Variants in CDYL observed in about 807,000 individuals in gnomAD.
CDYL encodes the protein chromodomain Y-like protein.
Under a neutral mutation model 47.3 loss-of-function variants are expected in CDYL, and 8 were observed. That is an observed-to-expected ratio of 0.17 (90% CI 0.10 to 0.31). The LOEUF (loss-of-function observed/expected upper bound fraction) is 0.31, where lower values mean the gene tolerates loss of function less well. Among genes scored for constraint, CDYL ranks in the 10% least tolerant of loss-of-function variants. The pLI is 1.00. For synonymous variants in CDYL, 266 were observed against 265.0 expected (o/e 1.00, Z -0.04); for missense variants, 471 against 701.4 (o/e 0.67, Z 3.71).
chr6:4,905,829 T>C (rs1038661692), intron 2 of CDYL, among the ~76,000 whole-genome samples: 4 of 152,238 alleles, frequency 2.6e-5, no homozygotes, highest in South Asian at 2.1e-4. Context: ...GGGGTACAAG[T>C]GCACATTTGT....
intron 1 of CDYL, among the ~76,000 whole-genome samples, chr6:4,880,152 C>T (rs1402702912): frequency 1.3e-5 from 2 of 152,096 alleles, no homozygotes; most frequent in Admixed American, 1.3e-4. Flanking sequence ...AGAGTAGTCT[C>T]ACTGCCCTAG....
At chr6:4,911,090 T>C (rs1359000692) in intron 2 of CDYL, among the ~76,000 whole-genome samples, 1 of 152,220 alleles carries the variant, frequency 6.6e-6, no homozygotes, top group Non-Finnish European at 1.5e-5. Context: ...CCTCCCAAAG[T>C]GCTGGGATTA....
intron 5 of CDYL, among the ~76,000 whole-genome samples, chr6:4,945,945 G>A (rs1387224116): frequency 1.3e-5 from 2 of 152,240 alleles, no homozygotes; most frequent in African/African-American, 4.8e-5. Context: ...ATCTGCAGGT[G>A]GGACAGGCAG....
chr6:4,750,507 A>AC (rs1757971264), intron 3 of CDYL, among the ~76,000 whole-genome samples: 1 of 152,066 alleles, frequency 6.6e-6, no homozygotes, highest in African/African-American at 2.4e-5. Context: ...CGGCCAAAAA[A>AC]ATTTTTTTAA....
intron 2 of CDYL, among the ~76,000 whole-genome samples, chr6:4,722,983 C>G (rs11753843): frequency 0.024 from 3,695 of 152,282 alleles, 67 homozygotes; most frequent in South Asian, 0.059. Flanking sequence ...TCAAAATCAT[C>G]AAGACCACTC....
At chr6:4,751,885 T>C (rs1757999351) in intron 3 of CDYL, among the ~76,000 whole-genome samples, 1 of 152,226 alleles carries the variant, frequency 6.6e-6, no homozygotes, top group South Asian at 2.1e-4. Context: ...AATATTAACA[T>C]GCTATGGGGG....
At chr6:4,871,254 A>G (rs998759797) in intron 1 of CDYL, among the ~76,000 whole-genome samples, 2 of 152,098 alleles carry the variant, frequency 1.3e-5, no homozygotes. Flanking sequence ...TTTGTGAGCC[A>G]TGTTTTGGTC....
intron 1 of CDYL, among the ~76,000 whole-genome samples, chr6:4,835,765 A>G (rs906335355): frequency 6.6e-5 from 10 of 152,276 alleles, no homozygotes; most frequent in African/African-American, 2.4e-4. Context: ...TGTTTACCTA[A>G]GCAAGCCTGG....
At chr6:4,770,973 A>G (rs866805100) in intron 3 of CDYL, among the ~76,000 whole-genome samples, 4 of 152,358 alleles carry the variant, frequency 2.6e-5, no homozygotes, top group Admixed American at 6.5e-5. Context: ...ATATATAAGC[A>G]TATATATACA....
intron 1 of CDYL, among the ~76,000 whole-genome samples, chr6:4,853,328 A>G (rs1250572777): frequency 6.6e-6 from 1 of 152,172 alleles, no homozygotes; most frequent in Admixed American, 6.5e-5. Context: ...AAAATAGAGG[A>G]CATCAAAGTT....
At chr6:4,942,947 T>G (rs1308613973) in intron 4 of CDYL, among the ~76,000 whole-genome samples, 1 of 152,226 alleles carries the variant, frequency 6.6e-6, no homozygotes, top group Non-Finnish European at 1.5e-5. Flanking sequence ...CCTGTGACAC[T>G]CTTGTCTCTG....
intron 1 of CDYL, among the ~76,000 whole-genome samples, chr6:4,797,682 T>C (rs1243334085): frequency 6.6e-6 from 1 of 152,246 alleles, no homozygotes; most frequent in Non-Finnish European, 1.5e-5. Context: ...GTCATATAAA[T>C]GGAAACATAC....
At chr6:4,789,516 A>C (rs954768910) in intron 1 of CDYL, among the ~76,000 whole-genome samples, 10 of 150,418 alleles carry the variant, frequency 6.6e-5, no homozygotes, top group Non-Finnish European at 1.2e-4. Flanking sequence ...CATCTCCCCC[A>C]CTCCCAGTGG....
intron 1 of CDYL, among the ~76,000 whole-genome samples, chr6:4,836,699 C>A (rs1561661700): frequency 6.6e-6 from 1 of 152,142 alleles, no homozygotes; most frequent in Non-Finnish European, 1.5e-5. Context: ...CAGAAAAGAA[C>A]TGTTTATATT....
At chr6:4,791,179 A>G (rs2127434766) in intron 1 of CDYL, among the ~76,000 whole-genome samples, 1 of 152,358 alleles carries the variant, frequency 6.6e-6, no homozygotes, top group Non-Finnish European at 1.5e-5. Flanking sequence ...AGAAAGCATC[A>G]TATGATCTTT....
At chr6:4,729,524 G>C (rs114179360) in intron 2 of CDYL, among the ~76,000 whole-genome samples, 1 of 151,828 alleles carries the variant, frequency 6.6e-6, no homozygotes, top group Non-Finnish European at 1.5e-5. Context: ...GCATGGATCC[G>C]AGAAGTCCTC....
intron 1 of CDYL, among the ~76,000 whole-genome samples, chr6:4,860,493 G>A (rs1211775517): frequency 1.4e-5 from 2 of 146,670 alleles, no homozygotes; most frequent in African/African-American, 2.5e-5. Flanking sequence ...AGAACTAATA[G>A]GAAATATATA....
At chr6:4,789,378 C>T (rs1327270129) in intron 1 of CDYL, among the ~76,000 whole-genome samples, 1 of 152,148 alleles carries the variant, frequency 6.6e-6, no homozygotes, top group Non-Finnish European at 1.5e-5. Flanking sequence ...CTGGCTGCTC[C>T]TGGGTTTCAG....
At chr6:4,906,528 C>A (rs1451351639) in intron 2 of CDYL, among the ~76,000 whole-genome samples, 8 of 152,208 alleles carry the variant, frequency 5.3e-5, no homozygotes, top group Non-Finnish European at 1.0e-4. Context: ...ACAGCCCAGA[C>A]CAGCCTTGGA....
Sources: allele counts gnomAD v4.1 joint callset (sites outside exome capture counted in the v4.1 genomes callset), GRCh38; gene constraint gnomAD v4.1.1; transcripts MANE v1.5; gene names NCBI Gene and HGNC (gene_info 2026-07-23, HGNC 2026-07-21).